RCSD1: variants seen among roughly 807,000 people sequenced by gnomAD.
RCSD1 encodes the protein capZ-interacting protein.
In RCSD1, 26 loss-of-function variants were observed where a neutral mutation model predicts 42.5. The observed-to-expected ratio is 0.61, with a 90% confidence interval of 0.45 to 0.85. The LOEUF is 0.85. RCSD1 is among the 40% of genes least tolerant of loss of function. The probability of loss-of-function intolerance (pLI) is 0.00; values close to 1 mark genes in which losing one functional copy is unlikely to be tolerated. For missense variants in RCSD1, 571 were observed against 528.3 expected (o/e 1.08, Z -0.79); for synonymous variants, 220 against 212.2 (o/e 1.04, Z -0.32).
rs542766205 is a variant in RCSD1 at position 167,659,793 on chromosome 1, T to G, written c.7-24107T>G. ...TCCTTCCATTTTCTCAGCTCTCTTC[T>G]ATATTTTGCCCTTCTCTCTGGTGGG... is the stretch of plus-strand genomic sequence containing the variant. On this transcript the variant is annotated intron_variant, in intron 1 of 6. Coordinates refer to ENST00000367854, the MANE Select transcript of RCSD1 (RefSeq NM_052862.4). Among the ~76,000 whole-genome samples the G allele has an allele frequency of 2.2e-3, 333 of 152,266 alleles. 2 individuals carry two copies. Among genetic ancestry groups the G allele is most frequent in the African/African-American group, 7.7e-3 (321 of 41,546 alleles).
chr1:167,702,597 G>T (rs184491663), intron 6 of RCSD1, among the ~76,000 whole-genome samples: 23 of 152,248 alleles, frequency 1.5e-4, no homozygotes, highest in African/African-American at 5.3e-4. Context: ...TGGCCAACAT[G>T]GTGAAACCCT....
chr1:167,653,928 T>C (rs914864147), intron 1 of RCSD1, among the ~76,000 whole-genome samples: 4 of 152,092 alleles, frequency 2.6e-5, no homozygotes, highest in African/African-American at 7.2e-5. Flanking sequence ...AAGTCCCTGG[T>C]GGGAAGAGCA....
At position 167,638,751 on chromosome 1, in the gene RCSD1, A is replaced by G. The variant is rs1657920975; in HGVS notation, c.6+8322A>G. 2.6e-5 allele frequency among the ~76,000 whole-genome samples: 4 copies of G among 152,366 alleles called. No homozygotes were observed. The South Asian group carries it at 8.3e-4, about 32-fold the overall frequency. On this transcript the variant is annotated intron_variant, in intron 1 of 6. Transcript: ENST00000367854. ...GGGTGAAACTGGTGCCCACACCTAA[A>G]GCAAAACAGGAAGACTTTTCCAAAT...
intron 1 of RCSD1, among the ~76,000 whole-genome samples, chr1:167,660,452 T>C (rs867736122): frequency 3.0e-4 from 45 of 151,922 alleles, no homozygotes; most frequent in Middle Eastern, 6.8e-3. Flanking sequence ...CTCTATACCA[T>C]TGGCTCCTTA....
At chr1:167,646,199 G>A (rs1405194965) in intron 1 of RCSD1, among the ~76,000 whole-genome samples, 1 of 152,150 alleles carries the variant, frequency 6.6e-6, no homozygotes, top group African/African-American at 2.4e-5. Flanking sequence ...TTTTGGTTGA[G>A]GCATTGACAG....
chr1:167,671,611 T>C (rs1178674236), intron 1 of RCSD1, among the ~76,000 whole-genome samples: 1 of 152,230 alleles, frequency 6.6e-6, no homozygotes, highest in East Asian at 1.9e-4. Flanking sequence ...GTCAACTTGC[T>C]CATTTTTTAC....
rs1251201157 is a variant in RCSD1 at position 167,644,611 on chromosome 1, C to T, written c.6+14182C>T. ...AGTTCACCCAGGTAGATCAATGAAACGAGGAGGTAGGAAATGGGAAGGAGA... is the reference window on the plus strand; with the variant it reads ...AGTTCACCCAGGTAGATCAATGAAATGAGGAGGTAGGAAATGGGAAGGAGA... On this transcript the variant is annotated intron_variant, in intron 1 of 6. Coordinates refer to ENST00000367854, the MANE Select transcript of RCSD1 (RefSeq NM_052862.4). Among the ~76,000 whole-genome samples, 6 of 152,098 alleles carry T rather than the reference C, an allele frequency of 3.9e-5. 1 individual carries two copies. The highest frequency in any genetic ancestry group is 4.1e-4 in the South Asian group (2 of 4,820).
intron 1 of RCSD1, among the ~76,000 whole-genome samples, chr1:167,647,798 T>C (rs1477660253): frequency 6.6e-6 from 1 of 152,158 alleles, no homozygotes; most frequent in Non-Finnish European, 1.5e-5. Context: ...TAGAAAACCC[T>C]AGGACTGTTC....
At chr1:167,670,248 A>G (rs1456156189) in intron 1 of RCSD1, among the ~76,000 whole-genome samples, 1 of 151,584 alleles carries the variant, frequency 6.6e-6, no homozygotes, top group African/African-American at 2.4e-5. Context: ...CTTACCTTGG[A>G]GAGTAACAAA....
chr1:167,663,212 G>A (rs923206341), intron 1 of RCSD1, among the ~76,000 whole-genome samples: 9 of 152,156 alleles, frequency 5.9e-5, no homozygotes, highest in Non-Finnish European at 1.0e-4. Context: ...GTGTTCCCTG[G>A]AGAACTACTC....
intron 1 of RCSD1, among the ~76,000 whole-genome samples, chr1:167,683,408 C>T (rs1285659537): frequency 6.6e-6 from 1 of 152,232 alleles, no homozygotes; most frequent in Non-Finnish European, 1.5e-5. Flanking sequence ...GTGCTATCTG[C>T]TCTCGTGTCA....
At chr1:167,686,789 C>T (rs1482370255) in intron 3 of RCSD1, among the ~76,000 whole-genome samples, 1 of 152,236 alleles carries the variant, frequency 6.6e-6, no homozygotes, top group African/African-American at 2.4e-5. Context: ...AACCTCTGGG[C>T]TCAGTGTCTC....
chr1:167,659,595 A>G (rs760288412), intron 1 of RCSD1, among the ~76,000 whole-genome samples: 4 of 152,206 alleles, frequency 2.6e-5, no homozygotes, highest in Non-Finnish European at 5.9e-5. Context: ...GGAATCCAGC[A>G]AAGCATGCTG....
intron 1 of RCSD1, among the ~76,000 whole-genome samples, chr1:167,636,571 CTTCT>C (rs1182972614): frequency 6.6e-6 from 1 of 151,478 alleles, no homozygotes; most frequent in Non-Finnish European, 1.5e-5. Context: ...CATGCACTAG[CTTCT>C]TTTTGTTTTT....
intron 1 of RCSD1, among the ~76,000 whole-genome samples, chr1:167,662,940 C>A (rs922199793): frequency 6.6e-6 from 1 of 152,144 alleles, no homozygotes; most frequent in Non-Finnish European, 1.5e-5. Flanking sequence ...TTTCTTCTTA[C>A]GTTATGTTAA....
At chr1:167,659,018 G>A (rs1483824772) in intron 1 of RCSD1, among the ~76,000 whole-genome samples, 1 of 152,126 alleles carries the variant, frequency 6.6e-6, no homozygotes, top group Admixed American at 6.5e-5. Context: ...ATCAATATAT[G>A]AGGGTTCCTT....
Position 167,697,663 on chromosome 1 carries a change from G to T in RCSD1, c.1039G>T (p.Glu347Ter). 6.2e-7 allele frequency: 1 copy of T among 1,605,652 alleles called. No individual in the cohort carries two copies. Among genetic ancestry groups the T allele is most frequent in the Non-Finnish European group, 8.5e-7 (1 of 1,176,294 alleles). ...GCTGGAGGAGGGAGCTGCAGTGAAG[G>T]AGACCCCCCACAGTCCCCCTGGAGG... ...KKLEEGAAVK[E>*]TPHSPPGGVK... The change falls in exon 6 of 7, where the codon GAG becomes TAG. Residue 347 changes from glutamate to a stop codon, truncating the protein, a stop_gained. Coordinates refer to ENST00000367854, the MANE Select transcript of RCSD1 (RefSeq NM_052862.4). LOFTEE classifies it high-confidence loss of function.
chr1:167,684,272 G>T (rs1036052239), intron 2 of RCSD1, among the ~76,000 whole-genome samples: 5 of 152,180 alleles, frequency 3.3e-5, no homozygotes, highest in African/African-American at 1.2e-4. Flanking sequence ...TTTCCATCTT[G>T]ATCATCCACC....
At chr1:167,641,186 G>A (rs1657995791) in intron 1 of RCSD1, among the ~76,000 whole-genome samples, 1 of 152,094 alleles carries the variant, frequency 6.6e-6, no homozygotes, top group Admixed American at 6.6e-5. Context: ...CCGCTATGGA[G>A]CATTTCCATG....
Sources: gnomAD v4.1 joint callset for allele counts (sites outside exome capture counted in the v4.1 genomes callset) on GRCh38, gnomAD v4.1.1 for gene constraint, MANE v1.5 for transcripts, NCBI Gene and HGNC (gene_info 2026-07-23, HGNC 2026-07-21) for gene names.